Variants in KDM4C observed in about 807,000 individuals in gnomAD.
KDM4C encodes the protein lysine demethylase 4C, also known as lysine-specific demethylase 4C.
A neutral mutation model predicts 129.3 loss-of-function variants in KDM4C; 81 were observed. The ratio of observed to expected loss-of-function variants is 0.63; its 90% CI spans 0.52 to 0.75. The LOEUF (loss-of-function observed/expected upper bound fraction) is 0.75. KDM4C is among the 30% of genes least tolerant of loss of function. KDM4C has a pLI of 0.00. For missense variants in KDM4C, 1,457 were observed against 1,304.0 expected, an observed-to-expected ratio of 1.12 and a Z score of -1.81; for synonymous variants, 573 against 456.1, an observed-to-expected ratio of 1.26 and a Z score of -3.26.
intron 1 of KDM4C, among the ~76,000 whole-genome samples, chr9:6,742,783 C>G (rs1370276506): frequency 6.6e-6 from 1 of 151,854 alleles, no homozygotes; most frequent in East Asian, 1.9e-4. Flanking sequence ...CTCTAAGGCC[C>G]TCCTTGAGGC....
intron 4 of KDM4C, among the ~76,000 whole-genome samples, chr9:6,815,937 C>T (rs912725197): frequency 1.1e-4 from 17 of 152,122 alleles, no homozygotes; most frequent in African/African-American, 3.6e-4. Context: ...GCAGGCATCA[C>T]GATAGTTCAC....
At chr9:7,103,561 C>G in intron 17 of KDM4C, 124 bp from the exon 18 acceptor site, 1 of 754,686 alleles carries the variant, frequency 1.3e-6, no homozygotes, top group Non-Finnish European at 2.1e-6. Flanking sequence ...GGGGTCAGGA[C>G]TTGTTGATGT....
chr9:7,091,481 T>A (rs942516485), intron 17 of KDM4C, among the ~76,000 whole-genome samples: 17 of 152,170 alleles, frequency 1.1e-4, no homozygotes, highest in African/African-American at 4.1e-4. Context: ...GAAATACACA[T>A]CCCCTATACT....
chr9:7,015,946 A>G lies in KDM4C; in HGVS notation c.2259+17A>G. 1 of 1,583,262 alleles carries G rather than the reference A, an allele frequency of 6.3e-7. No individual in the cohort carries two copies. Among genetic ancestry groups the G allele is most frequent in the African/African-American group, 1.3e-5 (1 of 74,442 alleles). Reference sequence around the variant, plus strand: ...TGGACAGCAGTAAGTAGCTTATTTTAGTATTGCTTAACCTTTCTTCCCACC... The same window carrying G: ...TGGACAGCAGTAAGTAGCTTATTTTGGTATTGCTTAACCTTTCTTCCCACC... On this transcript the variant is annotated intron_variant, in intron 15 of 21. Coordinates refer to ENST00000381309, the MANE Select transcript of KDM4C (RefSeq NM_015061.6).
At chr9:6,755,006 G>C (rs1358109068), upstream of KDM4C, among the ~76,000 whole-genome samples, 1 of 152,142 alleles carries the variant, frequency 6.6e-6, no homozygotes, top group African/African-American at 2.4e-5. Flanking sequence ...TGGAGGCGGA[G>C]GCCAGCAGAT....
At chr9:7,092,753 T>C (rs1835947942) in intron 17 of KDM4C, among the ~76,000 whole-genome samples, 1 of 152,160 alleles carries the variant, frequency 6.6e-6, no homozygotes, top group South Asian at 2.1e-4. Flanking sequence ...GACCACACTT[T>C]AGTTGTATGA....
At chr9:6,829,687 C>T (rs1166908938) in intron 4 of KDM4C, among the ~76,000 whole-genome samples, 1 of 152,172 alleles carries the variant, frequency 6.6e-6, no homozygotes, top group Non-Finnish European at 1.5e-5. Flanking sequence ...AGAGCTTGAA[C>T]ACTGTGTATA....
chr9:7,020,314 T>G (rs971832600), intron 15 of KDM4C, among the ~76,000 whole-genome samples: 4 of 152,234 alleles, frequency 2.6e-5, no homozygotes, highest in Non-Finnish European at 4.4e-5. Flanking sequence ...ACAGTTTATA[T>G]ATTTCATAAT....
intron 1 of KDM4C, among the ~76,000 whole-genome samples, chr9:6,779,857 T>G: frequency 6.6e-6 from 1 of 152,240 alleles, no homozygotes; most frequent in East Asian, 1.9e-4. Flanking sequence ...CACTCCTATT[T>G]GCGTTTTGAT....
intron 19 of KDM4C, among the ~76,000 whole-genome samples, chr9:7,146,309 TG>T (rs1842211277): frequency 6.6e-6 from 1 of 152,240 alleles, no homozygotes. Context: ...AGTTTCCATA[TG>T]AACGTGTTTT....
intron 9 of KDM4C, chr9:6,982,626 C>T (rs1334500025): frequency 6.6e-6 from 1 of 152,156 alleles, no homozygotes; most frequent in Non-Finnish European, 1.5e-5. Flanking sequence ...TGTTAATTCA[C>T]AGCACTAAAG....
intron 1 of KDM4C, among the ~76,000 whole-genome samples, chr9:6,744,337 A>G (rs1359101039): frequency 1.3e-5 from 2 of 152,086 alleles, no homozygotes; most frequent in Non-Finnish European, 2.9e-5. Context: ...CATCCTGGCT[A>G]ACATGGTGAA....
chr9:6,842,766 T>C (rs189647681), intron 4 of KDM4C, among the ~76,000 whole-genome samples: 2 of 150,180 alleles, frequency 1.3e-5, no homozygotes, highest in Admixed American at 1.3e-4. Flanking sequence ...GGATAGTAGG[T>C]TGTCTCCAAA....
intron 18 of KDM4C, chr9:7,105,380 C>T: frequency 2.2e-6 from 1 of 463,954 alleles, no homozygotes; most frequent in Non-Finnish European, 4.5e-6. Context: ...CATGGTATCC[C>T]ACCTCACCAT....
intron 21 of KDM4C, 97 bp from the exon 22 acceptor site, chr9:7,174,456 C>G: frequency 8.3e-7 from 1 of 1,199,090 alleles, no homozygotes; most frequent in Non-Finnish European, 1.2e-6. Context: ...ACCTGGGCAT[C>G]TGCACCCTAA....
At chr9:6,840,471 A>T (rs915564990) in intron 4 of KDM4C, among the ~76,000 whole-genome samples, 3 of 151,760 alleles carry the variant, frequency 2.0e-5, no homozygotes, top group Non-Finnish European at 4.4e-5. Context: ...ATCTTGGCTC[A>T]CTGTAACCTC....
intron 8 of KDM4C, among the ~76,000 whole-genome samples, chr9:6,976,154 T>A (rs1290610553): frequency 1.3e-5 from 2 of 152,324 alleles, no homozygotes; most frequent in African/African-American, 4.8e-5. Context: ...TCTGAGGAGT[T>A]AGAATAAAAT....
chr9:6,954,553 T>A (rs2131542520), intron 8 of KDM4C, among the ~76,000 whole-genome samples: 1 of 152,312 alleles, frequency 6.6e-6, no homozygotes, highest in East Asian at 1.9e-4. Flanking sequence ...GAGGCCTTAT[T>A]GATCTATCTA....
In KDM4C at chr9:7,006,085, C is replaced by G. The variant is rs183317106; in HGVS notation, c.1787-5613C>G. ...AACGAAAAATAATCATTGAAATAAA[C>G]ACTGTATGTTTACACCGTTGCTAAC... On this transcript the variant is annotated intron_variant, in intron 12 of 21. Coordinates refer to ENST00000381309, the MANE Select transcript of KDM4C (RefSeq NM_015061.6). Among the ~76,000 whole-genome samples the G allele has an allele frequency of 1.7e-3, 266 of 152,272 alleles. 2 individuals are homozygous for G. The highest frequency in any genetic ancestry group is 6.2e-3 in the African/African-American group (256 of 41,560).
Sources: gnomAD v4.1 joint callset for allele counts (sites outside exome capture counted in the v4.1 genomes callset) on GRCh38, gnomAD v4.1.1 for gene constraint, MANE v1.5 for transcripts, NCBI Gene and HGNC (gene_info 2026-07-23, HGNC 2026-07-21) for gene names.